The following LHFPL6 variants were observed in gnomAD, a reference collection of about 807,000 sequenced individuals.
LHFPL6 encodes LHFPL tetraspan subfamily member 6.
A neutral mutation model predicts 20.6 loss-of-function variants in LHFPL6; 9 were observed. That is an observed-to-expected ratio of 0.44 (90% CI 0.26 to 0.76). The LOEUF (loss-of-function observed/expected upper bound fraction) is 0.76. Among genes scored for constraint, LHFPL6 ranks in the 30% least tolerant of loss-of-function variants. The pLI is 0.20. For synonymous variants in LHFPL6, 105 were observed against 98.7 expected (o/e 1.06, Z -0.38); for missense variants, 218 against 253.5 (o/e 0.86, Z 0.95).
At chr13:39,479,805 T>C (rs192864683) in intron 2 of LHFPL6, among the ~76,000 whole-genome samples, 1 of 152,300 alleles carries the variant, frequency 6.6e-6, no homozygotes, top group East Asian at 1.9e-4. Flanking sequence ...AAACTCTGTG[T>C]AGCTGAGTCA....
chr13:39,475,291 AGATGCTTGTACAT>A (rs1873056470), intron 2 of LHFPL6, among the ~76,000 whole-genome samples: 1 of 152,210 alleles, frequency 6.6e-6, no homozygotes, highest in Non-Finnish European at 1.5e-5. Flanking sequence ...TATCATGTGT[AGATGCTTGTACAT>A]GATCCTAATC....
chr13:39,440,988 C>T (rs1593314074), intron 2 of LHFPL6, among the ~76,000 whole-genome samples: 1 of 152,052 alleles, frequency 6.6e-6, no homozygotes, highest in Admixed American at 6.6e-5. Flanking sequence ...TGAGGCCTCC[C>T]CCCCAGCCAT....
intron 2 of LHFPL6, among the ~76,000 whole-genome samples, chr13:39,401,321 CTCTG>C (rs1870985266): frequency 6.6e-6 from 1 of 152,234 alleles, no homozygotes; most frequent in Non-Finnish European, 1.5e-5. Flanking sequence ...GTTCCTCCCT[CTCTG>C]TCTCTCTCCT....
chr13:39,359,854 T>G (rs541721072), intron 3 of LHFPL6, among the ~76,000 whole-genome samples: 103 of 152,172 alleles, frequency 6.8e-4, no homozygotes, highest in Non-Finnish European at 1.2e-3. Flanking sequence ...TTTTGACCTG[T>G]TCTGTTATTT....
chr13:39,554,277 G>A (rs1169555421), intron 2 of LHFPL6, among the ~76,000 whole-genome samples: 3 of 152,088 alleles, frequency 2.0e-5, no homozygotes, highest in Non-Finnish European at 2.9e-5. Flanking sequence ...CATACCACAA[G>A]TAAAAGTCTT....
intron 2 of LHFPL6, among the ~76,000 whole-genome samples, chr13:39,488,107 G>C (rs549326639): frequency 6.6e-6 from 1 of 152,094 alleles, no homozygotes; most frequent in Admixed American, 6.6e-5. Flanking sequence ...CTTCATGAAC[G>C]GGATTAATGC....
At chr13:39,474,905 T>C (rs1873044302) in intron 2 of LHFPL6, among the ~76,000 whole-genome samples, 1 of 152,186 alleles carries the variant, frequency 6.6e-6, no homozygotes. Flanking sequence ...TAGGTGGCAG[T>C]GGTGGAACTG....
At chr13:39,375,119 G>A (rs1212281161) in intron 3 of LHFPL6, among the ~76,000 whole-genome samples, 5 of 152,214 alleles carry the variant, frequency 3.3e-5, no homozygotes, top group African/African-American at 1.2e-4. Context: ...GGAGGAAGAT[G>A]TGTCTACGTG....
chr13:39,422,904 C>T (rs997990223), intron 2 of LHFPL6, among the ~76,000 whole-genome samples: 6 of 152,062 alleles, frequency 3.9e-5, no homozygotes, highest in Admixed American at 3.3e-4. Context: ...GAAGCAAACA[C>T]GTCCTTCTTC....
chr13:39,564,864 G>A (rs2138524626), intron 2 of LHFPL6, among the ~76,000 whole-genome samples: 1 of 152,268 alleles, frequency 6.6e-6, no homozygotes, highest in African/African-American at 2.4e-5. Context: ...AATGCTAATG[G>A]GGCAAGGTTC....
chr13:39,393,790 C>T (rs577167691), intron 2 of LHFPL6, among the ~76,000 whole-genome samples: 1 of 152,246 alleles, frequency 6.6e-6, no homozygotes, highest in South Asian at 2.1e-4. Context: ...GTTCTAGAGA[C>T]TCAGAAGGCC....
rs1437849180 is a variant in LHFPL6, at chr13:39,352,902, T to C, written c.485-8848A>G. 2.5e-3 allele frequency among the ~76,000 whole-genome samples: 86 copies of C among 34,292 alleles called. 1 individual carries two copies. The highest frequency in any genetic ancestry group is 5.0e-3 in the African/African-American group (54 of 10,714). 22.5% of individuals were successfully genotyped at this position (34,292 alleles called of 152,430 possible). On this transcript the variant is annotated intron_variant, in intron 3 of 3. Coordinates refer to ENST00000379589, the MANE Select transcript of LHFPL6 (RefSeq NM_005780.3). The stretch of plus-strand genomic sequence containing the variant: ...ATAAATGTATATATATGTGTATATA[T>C]ATATAAATGTATATATATATAAATG...
chr13:39,491,192 G>A (rs962713453), intron 2 of LHFPL6, among the ~76,000 whole-genome samples: 1 of 152,282 alleles, frequency 6.6e-6, no homozygotes, highest in African/African-American at 2.4e-5. Context: ...TACAAATTTG[G>A]AGCCATTTAC....
intron 3 of LHFPL6, among the ~76,000 whole-genome samples, chr13:39,364,854 CT>C (rs1223870602): frequency 6.6e-6 from 1 of 152,258 alleles, no homozygotes; most frequent in East Asian, 1.9e-4. Flanking sequence ...TGAGTATCTG[CT>C]AGCACAGCTG....
chr13:39,513,441 TTTGA>T (rs1869794710), intron 2 of LHFPL6, among the ~76,000 whole-genome samples: 1 of 152,240 alleles, frequency 6.6e-6, no homozygotes. Context: ...GTGGCCTTTA[TTTGA>T]ATTTTTTTCC....
chr13:39,562,417 C>CATATACATATATACATATAT (rs1214743348), intron 2 of LHFPL6, among the ~76,000 whole-genome samples: 1 of 57,900 alleles, frequency 1.7e-5, no homozygotes, highest in African/African-American at 5.2e-5. Context: ...CACATATACA[C>CATATACATATATACATATAT]ATATACATAT....
chr13:39,546,965 G>A (rs993925752), intron 2 of LHFPL6, among the ~76,000 whole-genome samples: 1 of 151,950 alleles, frequency 6.6e-6, no homozygotes, highest in Admixed American at 6.5e-5. Context: ...TGGCTTATAA[G>A]TCCTTTCAGA....
intron 2 of LHFPL6, among the ~76,000 whole-genome samples, chr13:39,522,735 T>C (rs1870150397): frequency 6.6e-6 from 1 of 152,240 alleles, no homozygotes; most frequent in Non-Finnish European, 1.5e-5. Context: ...TATTTGTTTG[T>C]TCCCTCCTCC....
intron 3 of LHFPL6, among the ~76,000 whole-genome samples, chr13:39,354,369 T>A (rs1280235180): frequency 6.6e-6 from 1 of 151,592 alleles, no homozygotes; most frequent in East Asian, 1.9e-4. Context: ...ATAAAGAATA[T>A]AAAAAAATAA....
Sources: gnomAD v4.1 joint callset for allele counts (sites outside exome capture counted in the v4.1 genomes callset) on GRCh38, gnomAD v4.1.1 for gene constraint, MANE v1.5 for transcripts, NCBI Gene and HGNC (gene_info 2026-07-23, HGNC 2026-07-21) for gene names.